SLC2A5: variants seen among roughly 807,000 people sequenced by gnomAD.
SLC2A5 encodes solute carrier family 2 member 5, also known as solute carrier family 2, facilitated glucose transporter member 5.
In SLC2A5, 56 loss-of-function variants were observed where a neutral mutation model predicts 50.3. The ratio of observed to expected loss-of-function variants is 1.11; its 90% CI spans 0.90 to 1.39. The LOEUF is 1.39. Ranked by LOEUF, SLC2A5 falls within the 40% of genes most tolerant of loss-of-function variation. The probability of loss-of-function intolerance (pLI) is 0.00; values close to 1 mark genes in which losing one functional copy is unlikely to be tolerated. For synonymous variants in SLC2A5, 269 were observed against 281.9 expected, an observed-to-expected ratio of 0.95 and a Z score of 0.46; for missense variants, 566 against 650.1, an observed-to-expected ratio of 0.87 and a Z score of 1.41.
upstream of SLC2A5, among the ~76,000 whole-genome samples, chr1:9,089,675 C>T (rs78557131): frequency 0.022 from 3,282 of 152,342 alleles, 105 homozygotes; most frequent in African/African-American, 0.073. Flanking sequence ...CAACCCTGGA[C>T]GCTGGCCAAA....
At chr1:9,047,823 T>C (rs1306232912) in intron 3 of SLC2A5, 89 bp from the exon 4 acceptor site, 19 of 1,403,260 alleles carry the variant, frequency 1.4e-5, no homozygotes, top group Non-Finnish European at 1.9e-5. Context: ...CTGCATAGGC[T>C]CCAGCAGTTA....
rs771272043 is a variant in SLC2A5 at position 9,038,495 on chromosome 1, G to T, written c.1110C>A (p.Ser370=). The change falls in exon 10 of 12, where the codon TCC becomes TCA. Residue 370 remains serine (S), a synonymous_variant. Coordinates refer to ENST00000377424, the MANE Select transcript of SLC2A5 (RefSeq NM_003039.3). ...AGACGATGCTGATGTATGGCATCCA[G>T]GACACTGTGTCCTGTGGAGAGAAAG... is the stretch of plus-strand genomic sequence containing the variant. ...TAALALQDTV[S]WMPYISIVCV... 6.2e-7 allele frequency: 1 copy of T among 1,612,796 alleles called. No homozygotes were observed. Among genetic ancestry groups the T allele is most frequent in the Non-Finnish European group, 8.5e-7 (1 of 1,179,108 alleles).
Position 9,037,108 on chromosome 1 carries a change from GT to G in SLC2A5, c.*477del. On this transcript the variant is annotated 3_prime_UTR_variant, in exon 12 of 12. Transcript: ENST00000377424. The stretch of plus-strand genomic sequence containing the variant: ...TCTGACATCACACCTTCCTAGACAG[GT>G]ATTTCTGGAAAAGGATCTGGTAAGA... 5.7e-6 allele frequency: 1 copy of G among 175,288 alleles called. No homozygotes were observed. Among genetic ancestry groups the G allele is most frequent in the Admixed American group, 5.6e-5 (1 of 17,942 alleles). The allele number at this position is 175,288 out of a possible 1,614,324, so 10.9% of individuals were successfully genotyped here.
chr1:9,087,575 T>C (rs1472483177), intron 1 of SLC2A5, among the ~76,000 whole-genome samples: 1 of 152,114 alleles, frequency 6.6e-6, no homozygotes, highest in African/African-American at 2.4e-5. Flanking sequence ...GAGGCTCTCT[T>C]GCAACCCAAG....
At chr1:9,088,714 T>C (rs1243134635), upstream of SLC2A5, among the ~76,000 whole-genome samples, 3 of 151,846 alleles carry the variant, frequency 2.0e-5, no homozygotes, top group African/African-American at 7.3e-5. Context: ...ACCCAGGAGG[T>C]GGAGGTTGCA....
At position 9,039,580 on chromosome 1, in the gene SLC2A5, GC is replaced by G; in HGVS notation, c.967del (p.Ala323ProfsTer2). 1.3e-6 allele frequency: 2 copies of G among 1,575,790 alleles called. No individual in the cohort carries two copies. The highest frequency in any genetic ancestry group is 1.7e-6 in the Non-Finnish European group (2 of 1,161,620). ...GCAGAAGGTCATGACCACGTTCACG[GC>G]CCCGGTGCCGGCCGTCACGTACTGC... ...HVQYVTAGTGAVNVVMTFCAV... is the reference protein window; with the variant it reads ...HVQYVTAGTGXVNVVMTFCAV... On this transcript the variant is annotated frameshift_variant, in exon 8 of 12. Coordinates refer to ENST00000377424, the MANE Select transcript of SLC2A5 (RefSeq NM_003039.3). LOFTEE classifies it high-confidence loss of function.
chr1:9,038,403 C>G (rs925934568), intron 10 of SLC2A5, 28 bp downstream of exon 10: 5 of 1,568,528 alleles, frequency 3.2e-6, no homozygotes, highest in Non-Finnish European at 4.4e-6. Flanking sequence ...GGGGTTGTGA[C>G]ACCCTGAGGC....
intron 4 of SLC2A5, among the ~76,000 whole-genome samples, chr1:9,046,939 C>G (rs1185275990): frequency 6.6e-6 from 1 of 152,024 alleles, no homozygotes; most frequent in Non-Finnish European, 1.5e-5. Context: ...ATACCAAGTT[C>G]TCATGAGATC....
At chr1:9,039,073 A>C (rs1641219759) in intron 8 of SLC2A5, 144 bp from the exon 9 acceptor site, 4 of 1,003,320 alleles carry the variant, frequency 4.0e-6, no homozygotes, top group Non-Finnish European at 5.7e-6. Flanking sequence ...TGTGCAAGAC[A>C]TGCCCTTGGG....
At chr1:9,086,403 T>A (rs963121094) in intron 1 of SLC2A5, among the ~76,000 whole-genome samples, 101 of 142,902 alleles carry the variant, frequency 7.1e-4, no homozygotes, top group Non-Finnish European at 1.1e-3. Flanking sequence ...TTTTTTTTTT[T>A]ATTGAGATGA....
intron 3 of SLC2A5, among the ~76,000 whole-genome samples, 156 bp downstream of exon 3, chr1:9,057,292 T>TAAAAAAAAAAA (rs760221358): frequency 6.8e-4 from 70 of 103,008 alleles, no homozygotes; most frequent in African/African-American, 9.4e-4. Context: ...TCTCAAAAAT[T>TAAAAAAAAAAA]AAAAAAAAAA....
At position 9,076,585 on chromosome 1, in the gene SLC2A5, G is replaced by T. The variant is rs144879485; in HGVS notation, c.-58-6991C>A. ...AAAACGGGGTTGCTATCAAGGTGGT[G>T]TCTATATTTGGCTTGCTTGATTGAT... On this transcript the variant is annotated intron_variant, in intron 2 of 5. Transcript: ENST00000464985. Among the ~76,000 whole-genome samples, 302 of 152,220 alleles carry T rather than the reference G, an allele frequency of 2.0e-3. 2 individuals are homozygous for T. The highest frequency in any genetic ancestry group is 6.8e-3 in the African/African-American group (281 of 41,542).
intron 4 of SLC2A5, among the ~76,000 whole-genome samples, chr1:9,044,703 C>T (rs993120614): frequency 2.6e-5 from 4 of 152,122 alleles, no homozygotes; most frequent in Admixed American, 2.0e-4. Context: ...TACAGACCTA[C>T]TCCACCATGC....
chr1:9,053,765 T>C (rs1374154770), intron 3 of SLC2A5, among the ~76,000 whole-genome samples: 3 of 149,392 alleles, frequency 2.0e-5, no homozygotes, highest in African/African-American at 7.4e-5. Flanking sequence ...TCTCAGCTAT[T>C]TGGGAGGCTG....
At chr1:9,049,573 C>T (rs539643413) in intron 3 of SLC2A5, among the ~76,000 whole-genome samples, 5 of 152,000 alleles carry the variant, frequency 3.3e-5, no homozygotes, top group South Asian at 2.1e-4. Flanking sequence ...ACTACAGCCA[C>T]GCACCTCTAA....
At chr1:9,078,018 T>C (rs1642312281) in intron 2 of SLC2A5, among the ~76,000 whole-genome samples, 1 of 152,148 alleles carries the variant, frequency 6.6e-6, no homozygotes, top group Admixed American at 6.5e-5. Context: ...TTATAATTAG[T>C]TCTTGTTCTT....
At chr1:9,061,572 C>T (rs1212878286) in intron 1 of SLC2A5, among the ~76,000 whole-genome samples, 1 of 148,766 alleles carries the variant, frequency 6.7e-6, no homozygotes, top group Admixed American at 6.9e-5. Flanking sequence ...CACCACTGCA[C>T]TCCAGCCTGG....
At chr1:9,065,485 T>C (rs1351005598) in intron 1 of SLC2A5, among the ~76,000 whole-genome samples, 9 of 152,216 alleles carry the variant, frequency 5.9e-5, no homozygotes, top group Non-Finnish European at 7.3e-5. Context: ...TTAGCGCTCA[T>C]GGAGGATCAG....
chr1:9,054,211 G>A (rs1641697519), intron 3 of SLC2A5, among the ~76,000 whole-genome samples: 1 of 152,142 alleles, frequency 6.6e-6, no homozygotes, highest in Non-Finnish European at 1.5e-5. Context: ...CAGAACTGAT[G>A]ACAAAGACAT....
Sources: allele counts gnomAD v4.1 joint callset (sites outside exome capture counted in the v4.1 genomes callset), GRCh38; gene constraint gnomAD v4.1.1; transcripts MANE v1.5; gene names NCBI Gene and HGNC (gene_info 2026-07-23, HGNC 2026-07-21).